DCDC2: variants seen among roughly 807,000 people sequenced by gnomAD.
DCDC2 encodes the protein doublecortin domain containing 2, also known as doublecortin domain-containing protein 2.
In DCDC2, 40 loss-of-function variants were observed where a neutral mutation model predicts 50.2. The observed-to-expected ratio is 0.80, with a 90% confidence interval of 0.62 to 1.04. The LOEUF is 1.04. Among genes scored for constraint, DCDC2 ranks in the 50% least tolerant of loss-of-function variants. DCDC2 has a pLI of 0.00. For synonymous variants in DCDC2, 234 were observed against 210.6 expected (o/e 1.11, Z -0.96); for missense variants, 570 against 581.9 (o/e 0.98, Z 0.21).
At chr6:24,302,378 T>C (rs751339253) in intron 2 of DCDC2, among the ~76,000 whole-genome samples, 4 of 151,072 alleles carry the variant, frequency 2.6e-5, no homozygotes, top group Non-Finnish European at 5.9e-5. Context: ...AACAACAAAA[T>C]AATCCTATAA....
rs775174265 is a variant in DCDC2 at position 24,178,431 on chromosome 6, C to A, written c.1225G>T (p.Asp409Tyr). The change falls in exon 9 of 10, where the codon GAT becomes TAT. Residue 409 changes from aspartate (D) to tyrosine (Y), a missense_variant. Coordinates refer to ENST00000378454, the MANE Select transcript of DCDC2 (RefSeq NM_016356.5). ...TGCAGCTCCTCACCATTCTCCTCAT[C>A]GGTGCCTCCATTTACACGAGCAGGG... The part of the protein sequence containing the change: ...ARPARVNGGT[D>Y]EENGEELQQV... 12 of 1,614,102 alleles carry A rather than the reference C, an allele frequency of 7.4e-6. No homozygotes were observed. Among genetic ancestry groups the A allele is most frequent in the Non-Finnish European group, 1.0e-5 (12 of 1,180,042 alleles).
the DCDC2 span, among the ~76,000 whole-genome samples, chr6:24,363,920 A>G: frequency 6.6e-6 from 1 of 152,186 alleles, no homozygotes; most frequent in East Asian, 1.9e-4. Flanking sequence ...TTTCTCTTAC[A>G]GTGAAATCCA....
intron 6 of DCDC2, among the ~76,000 whole-genome samples, chr6:24,282,774 G>T (rs570991502): frequency 6.7e-6 from 1 of 148,492 alleles, no homozygotes; most frequent in Non-Finnish European, 1.5e-5. Context: ...AGCTGGGGGT[G>T]GGGGGTAGGG....
At chr6:24,209,413 G>A (rs1176563078) in intron 7 of DCDC2, among the ~76,000 whole-genome samples, 1 of 152,144 alleles carries the variant, frequency 6.6e-6, no homozygotes, top group Admixed American at 6.5e-5. Flanking sequence ...CTCATGAAGG[G>A]TGAGTGACAA....
At chr6:24,358,512 T>TA (rs966038766), upstream of DCDC2, among the ~76,000 whole-genome samples, 2,326 of 75,892 alleles carry the variant, frequency 0.031, 92 homozygotes, top group African/African-American at 0.089. Context: ...TCTCTACAAT[T>TA]AAAAAAAAAA....
intron 5 of DCDC2, 29 bp from the exon 6 acceptor site, chr6:24,288,935 C>A: frequency 6.5e-7 from 1 of 1,539,292 alleles, no homozygotes; most frequent in Non-Finnish European, 8.9e-7. Flanking sequence ...ATTTAGAAAT[C>A]TGAATGTTGT....
chr6:24,186,379 G>T (rs78694425), intron 8 of DCDC2, among the ~76,000 whole-genome samples: 5,282 of 152,232 alleles, frequency 0.035, 108 homozygotes, highest in South Asian at 0.057. Flanking sequence ...TGTATAGAAT[G>T]GGAAATTGAG....
At chr6:24,353,769 T>C (rs1760415820) in intron 1 of DCDC2, 146 bp from the exon 2 acceptor site, 10 of 532,640 alleles carry the variant, frequency 1.9e-5, no homozygotes, top group Non-Finnish European at 3.2e-5. Flanking sequence ...TGAAAAGCAA[T>C]TACAATAGTA....
chr6:24,297,764 C>G (rs752356861), intron 4 of DCDC2, among the ~76,000 whole-genome samples: 1 of 151,870 alleles, frequency 6.6e-6, no homozygotes, highest in Non-Finnish European at 1.5e-5. Context: ...TAAAATCCAA[C>G]AAAATCAAAG....
intron 7 of DCDC2, among the ~76,000 whole-genome samples, chr6:24,264,289 A>G (rs1280996521): frequency 6.6e-6 from 1 of 152,224 alleles, no homozygotes; most frequent in African/African-American, 2.4e-5. Flanking sequence ...CAATCACCTG[A>G]AGGTACAAAA....
intron 7 of DCDC2, among the ~76,000 whole-genome samples, chr6:24,238,739 C>G (rs1035687536): frequency 2.0e-5 from 3 of 152,078 alleles, no homozygotes; most frequent in Non-Finnish European, 4.4e-5. Flanking sequence ...TCTTCAAATA[C>G]CTAAAGGATT....
At chr6:24,175,375 A>C (rs1760879898) in intron 9 of DCDC2, among the ~76,000 whole-genome samples, 1 of 152,146 alleles carries the variant, frequency 6.6e-6, no homozygotes. Flanking sequence ...TAATAATGAC[A>C]TTGTCTCATG....
intron 2 of DCDC2, among the ~76,000 whole-genome samples, chr6:24,306,543 T>TAGATAGATAGATAGATAGACAGACAGAC (rs1209633765): frequency 9.5e-5 from 11 of 115,658 alleles, no homozygotes; most frequent in Non-Finnish European, 1.8e-4. Flanking sequence ...GATAGATAGA[T>TAGATAGATAGATAGATAGACAGACAGAC]AGACAGACAG....
chr6:24,234,764 G>T (rs1762408972), intron 7 of DCDC2, among the ~76,000 whole-genome samples: 1 of 152,104 alleles, frequency 6.6e-6, no homozygotes. Context: ...TAGGGATGTT[G>T]GGTACAAGTC....
chr6:24,323,555 T>G (rs1171438053), intron 2 of DCDC2, among the ~76,000 whole-genome samples: 1 of 152,100 alleles, frequency 6.6e-6, no homozygotes, highest in African/African-American at 2.4e-5. Flanking sequence ...TTCGGCAACT[T>G]TTTTCTAAAA....
intron 9 of DCDC2, among the ~76,000 whole-genome samples, chr6:24,175,167 T>C (rs1432132135): frequency 1.3e-5 from 2 of 152,194 alleles, no homozygotes; most frequent in African/African-American, 4.8e-5. Context: ...CAGTTTAGCA[T>C]TTTCAGAGAC....
intron 4 of DCDC2, among the ~76,000 whole-genome samples, chr6:24,298,351 TAAATC>T (rs746503598): frequency 1.8e-4 from 28 of 152,184 alleles, no homozygotes; most frequent in Non-Finnish European, 4.1e-4. Context: ...AGAGTGCCTA[TAAATC>T]AATAAGATAA....
intron 6 of DCDC2, among the ~76,000 whole-genome samples, chr6:24,280,203 T>C (rs1294804450): frequency 2.0e-5 from 3 of 152,224 alleles, no homozygotes; most frequent in Non-Finnish European, 4.4e-5. Flanking sequence ...AAGTTATTTA[T>C]GCTATTTTGT....
intron 7 of DCDC2, among the ~76,000 whole-genome samples, chr6:24,239,572 A>T (rs1489171366): frequency 6.6e-6 from 1 of 152,186 alleles, no homozygotes; most frequent in Non-Finnish European, 1.5e-5. Flanking sequence ...TAGGTCCAGG[A>T]GTGGGCACAT....
Sources: allele counts gnomAD v4.1 joint callset (sites outside exome capture counted in the v4.1 genomes callset), GRCh38; gene constraint gnomAD v4.1.1; transcripts MANE v1.5; gene names NCBI Gene and HGNC (gene_info 2026-07-23, HGNC 2026-07-21).